BPIFB1: variants seen among roughly 807,000 people sequenced by gnomAD.
The protein encoded by BPIFB1 is BPI fold containing family B member 1, also known as BPI fold-containing family B member 1.
In BPIFB1, 34 loss-of-function variants were observed where a neutral mutation model predicts 55.1. The ratio of observed to expected loss-of-function variants is 0.62; its 90% CI spans 0.47 to 0.82. The LOEUF is 0.82. BPIFB1 is among the 40% of genes least tolerant of loss of function. BPIFB1 has a pLI of 0.00. For missense variants in BPIFB1, 532 were observed against 593.1 expected (o/e 0.90, Z 1.07); for synonymous variants, 236 against 245.3 (o/e 0.96, Z 0.35).
chr20:33,306,096 C>T (rs1299364618), intron 14 of BPIFB1, 31 bp downstream of exon 14: 1 of 1,612,036 alleles, frequency 6.2e-7, no homozygotes, highest in South Asian at 1.1e-5. Context: ...TGCCCCCTCT[C>T]TCCCCAGGGC....
intron 3 of BPIFB1, among the ~76,000 whole-genome samples, chr20:33,289,387 A>C (rs1382117650): frequency 2.3e-4 from 35 of 150,180 alleles, no homozygotes; most frequent in Admixed American, 5.3e-4. Flanking sequence ...GTCTCAAAAA[A>C]AAAAAAACAA....
Position 33,306,028 on chromosome 20 carries a change from T to C in BPIFB1, c.1281T>C (p.Thr427=). Residue 427 remains threonine, a synonymous_variant, in exon 14 of 16, where the codon ACT becomes ACC. Coordinates refer to ENST00000253354, the MANE Select transcript of BPIFB1 (RefSeq NM_033197.3). ...CTGATGTTCTGAAAAACATCATCAC[T>C]GAGATCATCCACTCCATCCTGCTGC... The part of the protein sequence containing the change: ...FQPDVLKNII[T]EIIHSILLPN... 2 of 1,614,014 alleles carry C rather than the reference T, an allele frequency of 1.2e-6. No homozygotes were observed. The highest frequency in any genetic ancestry group is 1.7e-6 in the Non-Finnish European group (2 of 1,179,890).
At chr20:33,286,250 C>A in intron 2 of BPIFB1, 62 bp downstream of exon 2, 1 of 1,439,490 alleles carries the variant, frequency 6.9e-7, no homozygotes, top group South Asian at 1.2e-5. Flanking sequence ...AGCAGCTTCC[C>A]AAAGGAGGGA....
In BPIFB1 at chr20:33,292,001, A is replaced by C. The variant is rs375439993; in HGVS notation, c.597+13A>C. The C allele has an allele frequency of 6.2e-7, 1 of 1,613,316 alleles. No individual in the cohort carries two copies. The highest frequency in any genetic ancestry group is 8.5e-7 in the Non-Finnish European group (1 of 1,179,314). On this transcript the variant is annotated intron_variant, in intron 6 of 15. Transcript: ENST00000253354. ...AGTGAAAAACCAGGTGAGTGGAATC[A>C]GGGCCTCTCTGGCCTGTGGGCATTG...
intron 4 of BPIFB1, 26 bp downstream of exon 4, chr20:33,290,018 G>A: frequency 6.4e-7 from 1 of 1,569,286 alleles, no homozygotes; most frequent in Middle Eastern, 1.7e-4. Context: ...ATCAAGTACA[G>A]TAGGCTTGAC....
rs989093588 is a variant in BPIFB1 at position 33,309,854 on chromosome 20, A to G, written c.*87A>G. ...TATAGACCATCCCTCTCTGCAATCA[A>G]TAAACACTTGCCTGTGATGCCTGCC... On this transcript the variant is annotated 3_prime_UTR_variant, in exon 16 of 16. Transcript: ENST00000253354. This position sits in a 1 kb window ranked among gnomAD's most constrained non-coding sequence, Gnocchi z 4.4. The G allele has an allele frequency of 9.7e-6, 12 of 1,243,454 alleles. No individual in the cohort carries two copies. The highest frequency in any genetic ancestry group is 1.8e-5 in the Admixed American group (1 of 56,522). 77.0% of individuals were successfully genotyped at this position (1,243,454 alleles called of 1,614,324 possible).
In BPIFB1 at chr20:33,289,910, C is replaced by T. The variant is rs773312235; in HGVS notation, c.283C>T (p.Leu95Phe). 6.2e-7 allele frequency: 1 copy of T among 1,614,090 alleles called. No individual in the cohort carries two copies. Among genetic ancestry groups the T allele is most frequent in the African/African-American group, 1.3e-5 (1 of 74,934 alleles). Residue 95 changes from leucine to phenylalanine, a missense_variant, in exon 4 of 16, where the codon CTC becomes TTC. Coordinates refer to ENST00000253354, the MANE Select transcript of BPIFB1 (RefSeq NM_033197.3). Reference protein sequence around the residue: ...IWLKVITANILQLQVKPSAND... With the variant: ...IWLKVITANIFQLQVKPSAND... ...GCTGAAGGTCATCACAGCTAACATC[C>T]TCCAGCTGCAGGTGAAGCCCTCGGC...
At chr20:33,298,284 A>T (rs940041644) in intron 7 of BPIFB1, among the ~76,000 whole-genome samples, 2 of 152,242 alleles carry the variant, frequency 1.3e-5, no homozygotes, top group African/African-American at 4.8e-5. Flanking sequence ...AAAATCAGAG[A>T]TGATTCGAAG....
At chr20:33,294,600 A>G (rs1249020802) in intron 6 of BPIFB1, among the ~76,000 whole-genome samples, 1 of 152,250 alleles carries the variant, frequency 6.6e-6, no homozygotes, top group Non-Finnish European at 1.5e-5. Flanking sequence ...TTCATAAAGT[A>G]GGACCCAGCT....
intron 1 of BPIFB1, among the ~76,000 whole-genome samples, chr20:33,285,198 C>G (rs1004750757): frequency 6.6e-6 from 1 of 152,020 alleles, no homozygotes; most frequent in East Asian, 1.9e-4. Context: ...TTCCAGGAAG[C>G]AAGGAAGAGC....
rs892458869 is a variant in BPIFB1 at position 33,302,906 on chromosome 20, C to G, written c.982-10C>G. The G allele has an allele frequency of 6.2e-7, 1 of 1,613,558 alleles. No individual in the cohort carries two copies. Among genetic ancestry groups the G allele is most frequent in the Non-Finnish European group, 8.5e-7 (1 of 1,179,744 alleles). ...TTGGGAGGCCACATGTGGGTCTGAT[C>G]TCCTTCCAGGCTGCAGATAAGCTGG... On this transcript the variant is annotated splice_polypyrimidine_tract_variant and intron_variant, in intron 10 of 15. Coordinates refer to ENST00000253354, the MANE Select transcript of BPIFB1 (RefSeq NM_033197.3).
Position 33,302,375 on chromosome 20 carries a change from A to C in BPIFB1, c.944A>C (p.His315Pro). The C allele has an allele frequency of 1.9e-6, 3 of 1,613,936 alleles. No homozygotes were observed. The highest frequency in any genetic ancestry group is 2.5e-6 in the Non-Finnish European group (3 of 1,179,984). Residue 315 changes from histidine (H) to proline (P), a missense_variant, in exon 10 of 16, where the codon CAT becomes CCT. Physicochemically the swap from His to Pro is moderately conservative, Grantham distance 77 (BLOSUM62 -2). Coordinates refer to ENST00000253354, the MANE Select transcript of BPIFB1 (RefSeq NM_033197.3). Reference sequence around the variant, plus strand: ...CACCCTCAGCTTCCTGAGAGTGCCCATCGGCTGAAGTCAAGCATCGGGCTG... The same window carrying C: ...CACCCTCAGCTTCCTGAGAGTGCCCCTCGGCTGAAGTCAAGCATCGGGCTG... ...LLDSVLPESAHRLKSSIGLIN... is the reference protein window; with the variant it reads ...LLDSVLPESAPRLKSSIGLIN...
At chr20:33,299,678 C>A (rs930244481) in intron 7 of BPIFB1, among the ~76,000 whole-genome samples, 2 of 152,198 alleles carry the variant, frequency 1.3e-5, no homozygotes, top group Non-Finnish European at 2.9e-5. Context: ...CGTTATCATG[C>A]AGATGAACCA....
At chr20:33,301,192 G>T in intron 8 of BPIFB1, 41 bp from the exon 9 acceptor site, 1 of 1,584,890 alleles carries the variant, frequency 6.3e-7, no homozygotes, top group South Asian at 1.1e-5. Flanking sequence ...GTAAGCTGCA[G>T]AGTTAAAATT....
chr20:33,306,831 C>G lies in BPIFB1; in HGVS notation c.1319-80C>G, dbSNP rs1036949011. ...TCAGGCCTGCCAGGCCGGGGCTCCC[C>G]TTCAGGAACCCTGAGCCTGCCCCTG... On this transcript the variant is annotated intron_variant, in intron 14 of 15. Coordinates refer to ENST00000253354, the MANE Select transcript of BPIFB1 (RefSeq NM_033197.3). 2.4e-6 allele frequency: 3 copies of G among 1,247,262 alleles called. No homozygotes were observed. The Admixed American group carries it at 5.1e-5, about 21-fold the overall frequency. The allele number at this position is 1,247,262 out of a possible 1,614,324, so 77.3% of individuals were successfully genotyped here. A position where few individuals can be genotyped will look rare whatever the true frequency, so the allele number is the denominator to read the frequency against.
At chr20:33,308,808 CAT>C (rs1981132988) in intron 15 of BPIFB1, among the ~76,000 whole-genome samples, 1 of 149,004 alleles carries the variant, frequency 6.7e-6, no homozygotes, top group African/African-American at 2.5e-5. Flanking sequence ...ACACCACACA[CAT>C]ACACACTACA....
intron 7 of BPIFB1, chr20:33,298,962 T>C (rs1236993854): frequency 1.1e-5 from 4 of 356,538 alleles, no homozygotes; most frequent in African/African-American, 2.2e-5. Context: ...GGGGACCTTA[T>C]TGACTTTAAT....
At chr20:33,299,353 G>A in intron 7 of BPIFB1, 1 of 357,972 alleles carries the variant, frequency 2.8e-6, no homozygotes, top group South Asian at 2.0e-5. Context: ...TCTTTGGGGG[G>A]AGCAGAGGAG....
intron 5 of BPIFB1, among the ~76,000 whole-genome samples, chr20:33,291,664 C>T (rs1980476888): frequency 6.6e-6 from 1 of 152,222 alleles, no homozygotes; most frequent in African/African-American, 2.4e-5. Flanking sequence ...GAAATGCCAG[C>T]TCCCATCATC....
Sources: gnomAD v4.1 joint callset for allele counts (sites outside exome capture counted in the v4.1 genomes callset) on GRCh38, gnomAD v4.1.1 for gene constraint, Gnocchi (gnomAD v3.1) non-coding constraint, MANE v1.5 for transcripts, NCBI Gene and HGNC (gene_info 2026-07-23, HGNC 2026-07-21) for gene names.